The following CSMD1 variants were observed in gnomAD, a reference collection of about 807,000 sequenced individuals.
CSMD1 encodes the protein CUB and Sushi multiple domains 1.
CSMD1 carries 213 observed loss-of-function variants against 417.5 expected under a neutral mutation model. That is an observed-to-expected ratio of 0.51 (90% CI 0.46 to 0.57). The LOEUF is 0.57. CSMD1 is among the 20% of genes least tolerant of loss of function. CSMD1 has a pLI of 0.00. For synonymous variants in CSMD1, 2,862 were observed against 1,736.8 expected, an observed-to-expected ratio of 1.65 and a Z score of -16.11; for missense variants, 6,923 against 4,529.7, an observed-to-expected ratio of 1.53 and a Z score of -15.17.
At chr8:4,414,944 C>T (rs557273998) in intron 3 of CSMD1, among the ~76,000 whole-genome samples, 9 of 152,206 alleles carry the variant, frequency 5.9e-5, no homozygotes, top group Admixed American at 3.3e-4. Flanking sequence ...TGTCTTCTCC[C>T]TGCATTTATT....
intron 41 of CSMD1, among the ~76,000 whole-genome samples, chr8:3,120,224 C>A (rs1817118418): frequency 6.6e-6 from 1 of 152,022 alleles, no homozygotes; most frequent in South Asian, 2.1e-4. Context: ...GATGGGAACA[C>A]AAAGAGCTTG....
intron 49 of CSMD1, among the ~76,000 whole-genome samples, chr8:3,084,721 T>C (rs1389901234): frequency 6.6e-6 from 1 of 152,024 alleles, no homozygotes; most frequent in East Asian, 1.9e-4. Flanking sequence ...TGCCAATATA[T>C]GTTGTACAAC....
intron 39 of CSMD1, among the ~76,000 whole-genome samples, chr8:3,152,314 T>G (rs1286537476): frequency 1.3e-5 from 2 of 152,248 alleles, no homozygotes; most frequent in Non-Finnish European, 2.9e-5. Context: ...CATTTGAAGT[T>G]CCAATCTTTG....
At chr8:2,969,023 T>C (rs1347980803) in intron 57 of CSMD1, among the ~76,000 whole-genome samples, 2 of 152,144 alleles carry the variant, frequency 1.3e-5, no homozygotes, top group African/African-American at 2.4e-5. Flanking sequence ...AAAATTGCTG[T>C]TAAATTGAGT....
intron 1 of CSMD1, among the ~76,000 whole-genome samples, chr8:4,931,633 C>A (rs1807257889): frequency 6.6e-6 from 1 of 152,156 alleles, no homozygotes; most frequent in East Asian, 1.9e-4. Flanking sequence ...CATAAAACAT[C>A]TACCTCCTTT....
intron 1 of CSMD1, among the ~76,000 whole-genome samples, chr8:4,761,296 G>C (rs1292719718): frequency 6.6e-6 from 1 of 151,936 alleles, no homozygotes; most frequent in Admixed American, 6.6e-5. Flanking sequence ...ATGCACAAGG[G>C]ATTTTGAACA....
At chr8:4,115,218 C>T (rs968215939) in intron 3 of CSMD1, among the ~76,000 whole-genome samples, 8 of 152,168 alleles carry the variant, frequency 5.3e-5, no homozygotes, top group Admixed American at 4.6e-4. Flanking sequence ...AGTCAGCAGC[C>T]ACCAACATTG....
At chr8:4,581,467 G>T (rs896742022) in intron 2 of CSMD1, among the ~76,000 whole-genome samples, 1 of 152,264 alleles carries the variant, frequency 6.6e-6, no homozygotes, top group East Asian at 1.9e-4. Flanking sequence ...TTTGAAAACT[G>T]TTTTTGAATA....
intron 12 of CSMD1, among the ~76,000 whole-genome samples, chr8:3,467,621 T>G (rs1162100706): frequency 6.6e-6 from 1 of 152,214 alleles, no homozygotes; most frequent in Non-Finnish European, 1.5e-5. Flanking sequence ...GACCCTATTT[T>G]ATGCTTTGTA....
rs75794477 is a variant in CSMD1, at chr8:3,446,161, C to T, written c.1561+22551G>A. Among the ~76,000 whole-genome samples the T allele has an allele frequency of 6.5e-3, 989 of 151,768 alleles. 8 individuals are homozygous for T. Among genetic ancestry groups the T allele is most frequent in the African/African-American group, 0.023 (940 of 41,370 alleles). ...TGCAAGAAAGGAAATTGCCATGGCC[C>T]CAGGGAGAAAAAGAAAAGAGGATGA... On this transcript the variant is annotated intron_variant, in intron 12 of 69. Transcript: ENST00000635120.
chr8:4,276,438 C>T (rs1255898285), intron 3 of CSMD1, among the ~76,000 whole-genome samples: 5 of 152,138 alleles, frequency 3.3e-5, no homozygotes, highest in East Asian at 1.9e-4. Context: ...GACTCATGGA[C>T]GCTTGGAGGG....
chr8:4,905,017 G>C (rs768457232), intron 1 of CSMD1, among the ~76,000 whole-genome samples: 1 of 152,188 alleles, frequency 6.6e-6, no homozygotes, highest in Admixed American at 6.5e-5. Context: ...AAGGTAGTGT[G>C]ACAGTAGAAA....
intron 7 of CSMD1, among the ~76,000 whole-genome samples, chr8:3,637,594 T>A (rs535547749): frequency 1.3e-5 from 2 of 152,154 alleles, no homozygotes; most frequent in Admixed American, 6.5e-5. Context: ...TGACTACTAT[T>A]TTGTTACCTA....
At chr8:3,490,305 T>A (rs1349614595) in intron 11 of CSMD1, among the ~76,000 whole-genome samples, 1 of 152,200 alleles carries the variant, frequency 6.6e-6, no homozygotes. Flanking sequence ...AAGGCGCTAA[T>A]AACACTTCTG....
At chr8:4,492,739 G>A (rs920214126) in intron 2 of CSMD1, among the ~76,000 whole-genome samples, 1 of 152,188 alleles carries the variant, frequency 6.6e-6, no homozygotes, top group Non-Finnish European at 1.5e-5. Context: ...CATGGGCACA[G>A]GTAACACCCA....
intron 1 of CSMD1, among the ~76,000 whole-genome samples, chr8:4,727,299 A>G (rs549567032): frequency 6.6e-6 from 1 of 152,348 alleles, no homozygotes; most frequent in African/African-American, 2.4e-5. Flanking sequence ...ACAATAATTA[A>G]GTAATTTAAT....
chr8:3,401,481 T>C (rs138292150), intron 15 of CSMD1, among the ~76,000 whole-genome samples: 26 of 152,282 alleles, frequency 1.7e-4, no homozygotes, highest in African/African-American at 5.5e-4. Context: ...ACACTGCCGA[T>C]GAGCAAAATT....
chr8:3,377,066 T>C (rs1425799855), intron 18 of CSMD1, among the ~76,000 whole-genome samples: 1 of 152,208 alleles, frequency 6.6e-6, no homozygotes, highest in African/African-American at 2.4e-5. Context: ...TGTAGTGTAG[T>C]GGTGTGATCT....
intron 1 of CSMD1, among the ~76,000 whole-genome samples, chr8:4,850,200 T>C (rs932951629): frequency 1.3e-5 from 2 of 152,140 alleles, no homozygotes; most frequent in Non-Finnish European, 2.9e-5. Context: ...AACCTATTTT[T>C]TAACTGGGTT....
Sources: gnomAD v4.1 joint callset for allele counts (sites outside exome capture counted in the v4.1 genomes callset) on GRCh38, gnomAD v4.1.1 for gene constraint, MANE v1.5 for transcripts, NCBI Gene and HGNC (gene_info 2026-07-23, HGNC 2026-07-21) for gene names.